The following CTNNA2 variants were observed in gnomAD, a reference collection of about 807,000 sequenced individuals.
CTNNA2 encodes the protein catenin alpha-2.
A neutral mutation model predicts 101.0 loss-of-function variants in CTNNA2; 42 were observed. The observed-to-expected ratio is 0.42, with a 90% CI of 0.32 to 0.54. CTNNA2 has a LOEUF of 0.54. Ranked by LOEUF, CTNNA2 falls within the 20% of genes least tolerant of loss-of-function variation. The probability of loss-of-function intolerance (pLI) is 0.14; values close to 1 mark genes in which losing one functional copy is unlikely to be tolerated. For missense variants in CTNNA2, 871 were observed against 1,223.1 expected (o/e 0.71, Z 4.29); for synonymous variants, 450 against 456.4 (o/e 0.99, Z 0.18).
intron 7 of CTNNA2, among the ~76,000 whole-genome samples, chr2:80,066,245 C>G (rs924916575): frequency 6.6e-6 from 1 of 152,080 alleles, no homozygotes; most frequent in African/African-American, 2.4e-5. Flanking sequence ...GTACTTTTGG[C>G]ACAGCAAACG....
intron 2 of CTNNA2, among the ~76,000 whole-genome samples, chr2:79,665,432 A>G (rs966850627): frequency 2.0e-5 from 3 of 152,208 alleles, no homozygotes; most frequent in Non-Finnish European, 4.4e-5. Flanking sequence ...CTGCCTCGGA[A>G]TGGCATATAA....
intron 7 of CTNNA2, among the ~76,000 whole-genome samples, chr2:80,032,826 G>A (rs887074922): frequency 2.0e-5 from 3 of 152,114 alleles, no homozygotes; most frequent in Non-Finnish European, 4.4e-5. Context: ...CAAAAAGGAA[G>A]TCTATCATGG....
At chr2:80,484,733 G>A (rs183410475) in intron 9 of CTNNA2, among the ~76,000 whole-genome samples, 2 of 152,276 alleles carry the variant, frequency 1.3e-5, no homozygotes, top group Admixed American at 1.3e-4. Flanking sequence ...CTGGCTGGGC[G>A]CAGTGACTCA....
intron 7 of CTNNA2, among the ~76,000 whole-genome samples, chr2:80,015,191 A>T (rs1427741521): frequency 6.6e-6 from 1 of 152,074 alleles, no homozygotes; most frequent in Admixed American, 6.5e-5. Context: ...TTCCTTCCCT[A>T]TGTGTTCTAG....
At chr2:79,795,921 A>T (rs1411156332) in intron 3 of CTNNA2, among the ~76,000 whole-genome samples, 1 of 152,134 alleles carries the variant, frequency 6.6e-6, no homozygotes, top group Non-Finnish European at 1.5e-5. Flanking sequence ...AAGAGTTCCT[A>T]GTATTTGGAC....
chr2:79,602,486 C>T (rs1237941293), intron 1 of CTNNA2, among the ~76,000 whole-genome samples: 1 of 152,118 alleles, frequency 6.6e-6, no homozygotes, highest in Non-Finnish European at 1.5e-5. Flanking sequence ...ACTTATTGTA[C>T]TCATCACTGT....
rs772992162 is a variant in CTNNA2 at position 80,548,534 on chromosome 2, C to T, written c.1540+2471C>T. Among the ~76,000 whole-genome samples, 18 of 152,148 alleles carry T rather than the reference C, an allele frequency of 1.2e-4. 2 individuals carry two copies. Among genetic ancestry groups the T allele is most frequent in the Admixed American group, 9.2e-4 (14 of 15,272 alleles). On this transcript the variant is annotated intron_variant, in intron 11 of 18. Coordinates refer to ENST00000402739, the MANE Select transcript of CTNNA2 (RefSeq NM_001282597.3). ...ATTCCTTTGTGCATCTCATTATTAC[C>T]AGCAACAAGAAAAGGCTTTTGCTTC... is the stretch of plus-strand genomic sequence containing the variant.
intron 7 of CTNNA2, among the ~76,000 whole-genome samples, chr2:80,289,544 A>G (rs886670552): frequency 3.9e-5 from 6 of 152,200 alleles, no homozygotes; most frequent in Admixed American, 6.5e-5. Context: ...CTATTTTTAT[A>G]AACATAACAT....
chr2:79,920,785 T>A (rs1191890610), intron 7 of CTNNA2, among the ~76,000 whole-genome samples: 1 of 152,184 alleles, frequency 6.6e-6, no homozygotes, highest in Admixed American at 6.6e-5. Context: ...AAGAAATGGA[T>A]AGAATGATCC....
intron 9 of CTNNA2, among the ~76,000 whole-genome samples, chr2:80,526,952 T>C (rs1480057366): frequency 6.6e-6 from 1 of 152,182 alleles, no homozygotes; most frequent in Non-Finnish European, 1.5e-5. Context: ...TTTTTTGAAA[T>C]TTGGGAGGTA....
At chr2:80,354,717 T>C (rs2149304672) in intron 7 of CTNNA2, among the ~76,000 whole-genome samples, 1 of 152,270 alleles carries the variant, frequency 6.6e-6, no homozygotes, top group Non-Finnish European at 1.5e-5. Context: ...GGGAGATTTT[T>C]TTTCTAATAA....
chr2:80,435,798 G>A (rs574762774), intron 9 of CTNNA2, among the ~76,000 whole-genome samples: 1 of 152,228 alleles, frequency 6.6e-6, no homozygotes, highest in Admixed American at 6.5e-5. Flanking sequence ...CTCTGGATAG[G>A]CCTATGATCA....
At chr2:79,534,407 A>G (rs1468380395) in intron 1 of CTNNA2, among the ~76,000 whole-genome samples, 1 of 152,122 alleles carries the variant, frequency 6.6e-6, no homozygotes, top group East Asian at 1.9e-4. Flanking sequence ...ATTGTTTGTT[A>G]TAACGCTAGG....
chr2:79,850,305 CCCTT>C (rs1680590534), intron 3 of CTNNA2, among the ~76,000 whole-genome samples: 1 of 101,378 alleles, frequency 9.9e-6, no homozygotes, highest in African/African-American at 4.1e-5. Flanking sequence ...CCTCCCCCCT[CCCTT>C]CCTTTCTTCC....
Position 79,988,466 on chromosome 2 carries a change from ATGTGTGTGTGTGTG to A in CTNNA2, c.1056+78691_1056+78704del, listed in dbSNP as rs70940067. The stretch of plus-strand genomic sequence containing the variant: ...GCTCTTCTATATGAAGTGTATGTGT[ATGTGTGTGTGTGTG>A]TGTGTGTGTGTGTGTGTGTGTATTA... On this transcript the variant is annotated intron_variant, in intron 7 of 18. Coordinates refer to ENST00000402739, the MANE Select transcript of CTNNA2 (RefSeq NM_001282597.3). Among the ~76,000 whole-genome samples the A allele has an allele frequency of 2.4e-3, 358 of 149,126 alleles. 2 individuals are homozygous for A. In the East Asian group the frequency reaches 0.041, roughly 17 times the overall value.
Position 79,284,471 on chromosome 2 carries a change from G to A in CTNNA2, c.-405-28238G>A, listed in dbSNP as rs796433351. Among the ~76,000 whole-genome samples, 22 of 150,948 alleles carry A rather than the reference G, an allele frequency of 1.5e-4. No homozygotes were observed. The South Asian group carries it at 4.2e-3, about 29-fold the overall frequency. On this transcript the variant is annotated intron_variant, in intron 2 of 21. Transcript: ENST00000466387. ...TTTATTGAGAGTTTTTAGCATGAAG[G>A]GTTGTTGAATTTTGTCAAAGGCTTT...
intron 1 of CTNNA2, chr2:79,524,654 T>C (rs1445094675): frequency 2.0e-5 from 3 of 152,002 alleles, no homozygotes; most frequent in Non-Finnish European, 4.4e-5. Flanking sequence ...TCTTCTATCT[T>C]AGATTTAGTG....
intron 7 of CTNNA2, among the ~76,000 whole-genome samples, chr2:79,993,550 A>G (rs1692329423): frequency 6.6e-6 from 1 of 152,222 alleles, no homozygotes; most frequent in African/African-American, 2.4e-5. Flanking sequence ...TAAATGATTA[A>G]GTGACAAAAT....
At chr2:80,469,912 G>A (rs1461664559) in intron 9 of CTNNA2, among the ~76,000 whole-genome samples, 1 of 152,088 alleles carries the variant, frequency 6.6e-6, no homozygotes, top group Non-Finnish European at 1.5e-5. Flanking sequence ...TCTTGCAATG[G>A]CCATGTCAAT....
Sources: allele counts gnomAD v4.1 joint callset (sites outside exome capture counted in the v4.1 genomes callset), GRCh38; gene constraint gnomAD v4.1.1; transcripts MANE v1.5; gene names NCBI Gene and HGNC (gene_info 2026-07-23, HGNC 2026-07-21).